Variants in CPA6 observed in about 807,000 individuals in gnomAD.
CPA6 encodes the protein carboxypeptidase B.
A neutral mutation model predicts 63.3 loss-of-function variants in CPA6; 58 were observed. The observed-to-expected ratio is 0.92, with a 90% CI of 0.74 to 1.14. CPA6 has a LOEUF of 1.14. Ranked by LOEUF, CPA6 falls within the 50% of genes most tolerant of loss-of-function variation. The probability of loss-of-function intolerance (pLI) is 0.00; values close to 1 mark genes in which losing one functional copy is unlikely to be tolerated. For synonymous variants in CPA6, 185 were observed against 179.0 expected (o/e 1.03, Z -0.27); for missense variants, 565 against 526.6 (o/e 1.07, Z -0.71).
chr8:67,459,669 T>C (rs1810756983), intron 8 of CPA6, among the ~76,000 whole-genome samples: 1 of 152,186 alleles, frequency 6.6e-6, no homozygotes, highest in Admixed American at 6.5e-5. Context: ...AGATACTCTG[T>C]AAGATACTAT....
chr8:67,717,440 A>G (rs1817404554), intron 1 of CPA6, among the ~76,000 whole-genome samples: 1 of 152,226 alleles, frequency 6.6e-6, no homozygotes, highest in Non-Finnish European at 1.5e-5. Context: ...AGACATATCA[A>G]TCACACACTC....
intron 1 of CPA6, among the ~76,000 whole-genome samples, chr8:67,743,505 T>C (rs1404729198): frequency 2.0e-5 from 3 of 152,186 alleles, no homozygotes; most frequent in South Asian, 4.1e-4. Context: ...CATTTCAAAA[T>C]GTACAATTAG....
intron 2 of CPA6, among the ~76,000 whole-genome samples, chr8:67,607,190 T>TTCC (rs1564021280): frequency 1.9e-4 from 9 of 47,130 alleles, no homozygotes; most frequent in Non-Finnish European, 3.3e-4. Context: ...CTTCTTCTTC[T>TTCC]TCTTCTTCTT....
intron 1 of CPA6, among the ~76,000 whole-genome samples, chr8:67,640,220 G>A (rs1046000147): frequency 6.6e-6 from 1 of 151,364 alleles, no homozygotes; most frequent in Non-Finnish European, 1.5e-5. Context: ...GCTTCACCAG[G>A]GACCTGCCCC....
intron 1 of CPA6, among the ~76,000 whole-genome samples, chr8:67,637,684 A>G (rs1436393240): frequency 2.0e-5 from 3 of 151,582 alleles, no homozygotes; most frequent in Non-Finnish European, 4.4e-5. Context: ...TAAGACAAAC[A>G]ATACCTTATT....
intron 2 of CPA6, among the ~76,000 whole-genome samples, chr8:67,622,263 G>A (rs181209138): frequency 5.3e-5 from 8 of 152,282 alleles, no homozygotes; most frequent in South Asian, 2.1e-4. Context: ...CAGTGGAGAC[G>A]GAAACTTCCA....
chr8:67,575,860 G>A (rs72657236), intron 2 of CPA6, among the ~76,000 whole-genome samples: 4,158 of 149,888 alleles, frequency 0.028, 89 homozygotes, highest in Middle Eastern at 0.056. Context: ...AAAAAAAAAG[G>A]AAGAAATTTT....
intron 1 of CPA6, among the ~76,000 whole-genome samples, chr8:67,646,470 C>T (rs139785438): frequency 4.9e-4 from 75 of 152,228 alleles, no homozygotes; most frequent in African/African-American, 1.5e-3. Flanking sequence ...GGTGGGGGAA[C>T]GACTTTGTTG....
chr8:67,738,618 G>A (rs142670650), intron 1 of CPA6, among the ~76,000 whole-genome samples: 65 of 152,082 alleles, frequency 4.3e-4, no homozygotes, highest in African/African-American at 1.5e-3. Context: ...TACTATTTTC[G>A]AAGTACACTG....
intron 2 of CPA6, among the ~76,000 whole-genome samples, chr8:67,606,082 A>G (rs893875144): frequency 1.6e-5 from 2 of 124,704 alleles, no homozygotes; most frequent in Non-Finnish European, 3.2e-5. Flanking sequence ...AATTTCAAGG[A>G]CAAAAAAACA....
At chr8:67,555,730 T>C (rs774721626) in intron 2 of CPA6, among the ~76,000 whole-genome samples, 2 of 152,120 alleles carry the variant, frequency 1.3e-5, no homozygotes, top group Non-Finnish European at 2.9e-5. Flanking sequence ...CCTTAACTTG[T>C]GAGGTCTCTG....
intron 2 of CPA6, among the ~76,000 whole-genome samples, chr8:67,582,202 C>T (rs1441421809): frequency 6.6e-6 from 1 of 152,078 alleles, no homozygotes; most frequent in Non-Finnish European, 1.5e-5. Flanking sequence ...GTAAGGGTGG[C>T]TTTGTCTACT....
At chr8:67,608,749 T>C (rs1243490860) in intron 2 of CPA6, among the ~76,000 whole-genome samples, 3 of 152,208 alleles carry the variant, frequency 2.0e-5, no homozygotes, top group African/African-American at 7.2e-5. Context: ...CCAGCTCACC[T>C]GCATTCTCTC....
rs147090164 is a variant in CPA6 at position 67,584,404 on chromosome 8, C to T, written c.192+39772G>A. Among the ~76,000 whole-genome samples, 224 of 152,192 alleles carry T rather than the reference C, an allele frequency of 1.5e-3. 3 individuals are homozygous for T. Among genetic ancestry groups the T allele is most frequent in the East Asian group, 0.014 (73 of 5,178 alleles). The stretch of plus-strand genomic sequence containing the variant: ...GACCCTAAACATATAAATAATATAG[C>T]TTTACAAAAGGCTTGGGTGCAGATG... On this transcript the variant is annotated intron_variant, in intron 2 of 10. Transcript: ENST00000297770.
At chr8:67,725,966 G>T (rs368877154) in intron 1 of CPA6, among the ~76,000 whole-genome samples, 1 of 152,042 alleles carries the variant, frequency 6.6e-6, no homozygotes, top group Non-Finnish European at 1.5e-5. Context: ...GATGACAATG[G>T]GTACCCCAGA....
intron 2 of CPA6, among the ~76,000 whole-genome samples, chr8:67,526,964 G>T (rs1289113500): frequency 6.6e-6 from 1 of 152,074 alleles, no homozygotes; most frequent in Non-Finnish European, 1.5e-5. Context: ...ATTTCACTAC[G>T]TTTTGCTAGC....
chr8:67,518,144 C>T, intron 2 of CPA6, 97 bp from the exon 3 acceptor site: 1 of 1,168,658 alleles, frequency 8.6e-7, no homozygotes, highest in Non-Finnish European at 1.2e-6. Context: ...CATATAGTAA[C>T]ACCAAACATA....
At chr8:67,575,307 C>G (rs1257416532) in intron 2 of CPA6, among the ~76,000 whole-genome samples, 1 of 152,162 alleles carries the variant, frequency 6.6e-6, no homozygotes, top group Non-Finnish European at 1.5e-5. Flanking sequence ...TTAGTACAGC[C>G]ATTATGGAAA....
chr8:67,507,036 G>T (rs987491451), intron 5 of CPA6, 148 bp from the exon 6 acceptor site: 8 of 556,006 alleles, frequency 1.4e-5, no homozygotes, highest in Non-Finnish European at 2.0e-5. Flanking sequence ...TATCTATCTC[G>T]AAAGTCCAGG....
Sources: allele counts gnomAD v4.1 joint callset (sites outside exome capture counted in the v4.1 genomes callset), GRCh38; gene constraint gnomAD v4.1.1; transcripts MANE v1.5; gene names NCBI Gene and HGNC (gene_info 2026-07-23, HGNC 2026-07-21).